CNTN4: variants seen among roughly 807,000 people sequenced by gnomAD.
CNTN4 encodes the protein contactin-4.
In CNTN4, 77 loss-of-function variants were observed where a neutral mutation model predicts 122.5. The ratio of observed to expected loss-of-function variants is 0.63; its 90% CI spans 0.52 to 0.76. The LOEUF (loss-of-function observed/expected upper bound fraction) is 0.76, where lower values mean the gene tolerates loss of function less well. Among genes scored for constraint, CNTN4 ranks in the 30% least tolerant of loss-of-function variants. The probability of loss-of-function intolerance (pLI) is 0.00; values close to 1 mark genes in which losing one functional copy is unlikely to be tolerated. For synonymous variants in CNTN4, 512 were observed against 447.0 expected, an observed-to-expected ratio of 1.15 and a Z score of -1.83; for missense variants, 1,256 against 1,259.1, an observed-to-expected ratio of 1.00 and a Z score of 0.04.
chr3:2,949,709 C>G (rs1194513971), intron 13 of CNTN4, among the ~76,000 whole-genome samples: 1 of 152,164 alleles, frequency 6.6e-6, no homozygotes, highest in Non-Finnish European at 1.5e-5. Flanking sequence ...CCTATTTGTT[C>G]TGCTTTTTCT....
intron 2 of CNTN4, among the ~76,000 whole-genome samples, chr3:2,337,867 G>A (rs2150343352): frequency 6.6e-6 from 1 of 152,130 alleles, no homozygotes; most frequent in East Asian, 1.9e-4. Flanking sequence ...AGGTAGGCTG[G>A]AGTTGCAAAT....
chr3:2,227,430 T>G (rs895653416), intron 2 of CNTN4, among the ~76,000 whole-genome samples: 2 of 152,144 alleles, frequency 1.3e-5, no homozygotes, highest in African/African-American at 4.8e-5. Flanking sequence ...GACTAATAGT[T>G]AGTGTCCTTT....
chr3:2,582,864 G>T (rs1023504960), intron 4 of CNTN4, among the ~76,000 whole-genome samples: 1 of 150,212 alleles, frequency 6.7e-6, no homozygotes, highest in South Asian at 2.1e-4. Context: ...CTACCTGAGG[G>T]TTATGTCCCA....
Position 3,040,034 on chromosome 3 carries a change from C to T in CNTN4, c.2164-3C>T. 21 of 1,601,246 alleles carry T rather than the reference C, an allele frequency of 1.3e-5. No individual in the cohort carries two copies. The highest frequency in any genetic ancestry group is 1.8e-5 in the Non-Finnish European group (21 of 1,168,020). On this transcript the variant is annotated splice_polypyrimidine_tract_variant and splice_region_variant and intron_variant, in intron 19 of 24. Coordinates refer to ENST00000418658, the MANE Select transcript of CNTN4 (RefSeq NM_175607.3). ...TCTGAAGACCACCTTCCTTCTTTCC[C>T]AGACGGTCCCTGAGGAATTACAGAA...
chr3:3,040,092 G>A lies in CNTN4; in HGVS notation c.2219G>A (p.Arg740Gln), dbSNP rs767987719. The change falls in exon 20 of 25, where the codon CGG becomes CAG. Residue 740 changes from arginine (R) to glutamine (Q), a missense_variant. Arg to Gln is a conservative substitution (Grantham distance 43). Transcript: ENST00000418658. ...GGCTTTGGTTATGTGGTGGCCTTCC[G>A]GCCCTACGGTAAAATGATCTGGATG... is the stretch of plus-strand genomic sequence containing the variant. ...GRGFGYVVAF[R>Q]PYGKMIWMLT... is the part of the protein sequence containing the mutation. 8.7e-6 allele frequency: 14 copies of A among 1,614,086 alleles called. No homozygotes were observed. The highest frequency in any genetic ancestry group is 2.7e-5 in the African/African-American group (2 of 74,940).
intron 3 of CNTN4, among the ~76,000 whole-genome samples, chr3:2,458,054 T>A (rs1375893285): frequency 6.6e-6 from 1 of 152,108 alleles, no homozygotes; most frequent in Non-Finnish European, 1.5e-5. Flanking sequence ...ACAGCTTCAT[T>A]TGCATGGAAG....
chr3:2,809,090 T>C (rs1010103877), intron 6 of CNTN4, among the ~76,000 whole-genome samples: 2 of 152,158 alleles, frequency 1.3e-5, no homozygotes, highest in Non-Finnish European at 2.9e-5. Context: ...ACAGTGAGCT[T>C]TTATTTGGGG....
intron 7 of CNTN4, among the ~76,000 whole-genome samples, chr3:2,834,024 T>G (rs1167704899): frequency 6.6e-6 from 1 of 152,022 alleles, no homozygotes; most frequent in Non-Finnish European, 1.5e-5. Flanking sequence ...CGGGCACCTG[T>G]AGTCCCAGCT....
At chr3:2,696,482 A>G (rs542979377) in intron 4 of CNTN4, among the ~76,000 whole-genome samples, 14 of 152,348 alleles carry the variant, frequency 9.2e-5, no homozygotes, top group Admixed American at 9.1e-4. Context: ...GTGAGGACAT[A>G]GCATTCCTCC....
At chr3:2,191,902 C>T (rs2037582274) in intron 2 of CNTN4, among the ~76,000 whole-genome samples, 1 of 151,924 alleles carries the variant, frequency 6.6e-6, no homozygotes, top group Non-Finnish European at 1.5e-5. Flanking sequence ...ACAACAGGCC[C>T]CAGTGTCTGA....
At chr3:2,138,760 C>G (rs957900808) in intron 2 of CNTN4, among the ~76,000 whole-genome samples, 1 of 152,180 alleles carries the variant, frequency 6.6e-6, no homozygotes, top group African/African-American at 2.4e-5. Flanking sequence ...ACACCATTAG[C>G]TCTTCTCTGG....
At chr3:2,190,599 G>C (rs1056686956) in intron 2 of CNTN4, among the ~76,000 whole-genome samples, 11 of 151,708 alleles carry the variant, frequency 7.3e-5, no homozygotes, top group African/African-American at 2.7e-4. Flanking sequence ...GCATCTCAGA[G>C]CTACGGGACA....
intron 14 of CNTN4, among the ~76,000 whole-genome samples, chr3:2,998,759 C>T (rs778630591): frequency 1.2e-4 from 18 of 152,138 alleles, no homozygotes; most frequent in Non-Finnish European, 2.5e-4. Context: ...GAGGGGAACA[C>T]ACCCATAGCT....
intron 4 of CNTN4, among the ~76,000 whole-genome samples, chr3:2,622,098 C>T (rs928524974): frequency 6.6e-6 from 1 of 152,206 alleles, no homozygotes; most frequent in Non-Finnish European, 1.5e-5. Flanking sequence ...CACCCCCTTT[C>T]TCTCAGTCTA....
chr3:2,536,167 C>T (rs995764666), intron 3 of CNTN4, among the ~76,000 whole-genome samples: 1 of 152,112 alleles, frequency 6.6e-6, no homozygotes, highest in Non-Finnish European at 1.5e-5. Context: ...CCACATCTCC[C>T]ACCATATAAC....
At chr3:2,175,613 T>C (rs1404424724) in intron 2 of CNTN4, among the ~76,000 whole-genome samples, 1 of 152,120 alleles carries the variant, frequency 6.6e-6, no homozygotes, top group East Asian at 1.9e-4. Context: ...ATACAGAGGA[T>C]TGGGCTTGAG....
intron 6 of CNTN4, among the ~76,000 whole-genome samples, chr3:2,787,654 C>T (rs996195064): frequency 1.3e-5 from 2 of 152,146 alleles, no homozygotes; most frequent in African/African-American, 2.4e-5. Context: ...ACCACAGTCA[C>T]GTTATTTAAC....
At chr3:2,910,527 A>C (rs927953861) in intron 12 of CNTN4, among the ~76,000 whole-genome samples, 5 of 152,152 alleles carry the variant, frequency 3.3e-5, no homozygotes, top group African/African-American at 1.2e-4. Context: ...GTCAGTAAGA[A>C]ATATGTTATT....
At chr3:2,330,629 C>A (rs970826062) in intron 2 of CNTN4, among the ~76,000 whole-genome samples, 2 of 152,026 alleles carry the variant, frequency 1.3e-5, no homozygotes, top group Non-Finnish European at 2.9e-5. Context: ...TTATAAGACA[C>A]AGAGAATCTA....
Sources: allele counts gnomAD v4.1 joint callset (sites outside exome capture counted in the v4.1 genomes callset), GRCh38; gene constraint gnomAD v4.1.1; transcripts MANE v1.5; gene names NCBI Gene and HGNC (gene_info 2026-07-23, HGNC 2026-07-21).